The following THBS2 variants were observed in gnomAD, a reference collection of about 807,000 sequenced individuals.
THBS2 encodes the protein thrombospondin 2.
A neutral mutation model predicts 135.2 loss-of-function variants in THBS2; 47 were observed. The observed-to-expected ratio is 0.35, with a 90% CI of 0.28 to 0.44. The LOEUF is 0.44. THBS2 is among the 20% of genes least tolerant of loss of function. The pLI is 1.00. For synonymous variants in THBS2, 639 were observed against 633.8 expected, an observed-to-expected ratio of 1.01 and a Z score of -0.12; for missense variants, 1,288 against 1,603.1, an observed-to-expected ratio of 0.80 and a Z score of 3.36.
Position 169,236,163 on chromosome 6 carries a change from C to T in THBS2, c.1477+1007G>A, listed in dbSNP as rs369918075. Among the ~76,000 whole-genome samples the T allele has an allele frequency of 5.5e-3, 400 of 73,136 alleles. 1 individual carries two copies. Among genetic ancestry groups the T allele is most frequent in the East Asian group, 0.023 (32 of 1,394 alleles). 48.0% of individuals were successfully genotyped at this position (73,136 alleles called of 152,430 possible). On this transcript the variant is annotated intron_variant, in intron 9 of 21. Coordinates refer to ENST00000617924, the MANE Select transcript of THBS2 (RefSeq NM_003247.5). ...CACACTCACTCCCCATCCACACTCA[C>T]TCCCCATCCACACTCATTCCCCATC... is the stretch of plus-strand genomic sequence containing the variant.
At chr6:169,243,392 C>G (rs1347918536) in intron 4 of THBS2, among the ~76,000 whole-genome samples, 3 of 152,230 alleles carry the variant, frequency 2.0e-5, no homozygotes, top group Non-Finnish European at 4.4e-5. Context: ...GCTCACCTCA[C>G]CCCCATGTAG....
intron 7 of THBS2, among the ~76,000 whole-genome samples, chr6:169,238,353 A>G (rs1780179639): frequency 6.6e-6 from 1 of 152,242 alleles, no homozygotes; most frequent in African/African-American, 2.4e-5. Flanking sequence ...GGGGGGAAAG[A>G]GCAACCTGAC....
chr6:169,232,560 C>G, intron 12 of THBS2, 104 bp downstream of exon 12: 2 of 1,508,666 alleles, frequency 1.3e-6, no homozygotes, highest in Non-Finnish European at 1.8e-6. Context: ...ATGCCTCTCC[C>G]GGGCCACGCC....
At chr6:169,227,327 G>A (rs896917730) in intron 15 of THBS2, among the ~76,000 whole-genome samples, 14 of 152,158 alleles carry the variant, frequency 9.2e-5, no homozygotes, top group Non-Finnish European at 1.5e-5. Flanking sequence ...GAGAAGGGAT[G>A]ACCATGCGGT....
In THBS2 at chr6:169,240,489, G is replaced by T. The variant is rs775077218; in HGVS notation, c.995C>A (p.Thr332Lys). ...QDGRFFAENE[T>K]WVVDSCTTCT... ...CGTGGTGCAGCTGTCCACCACCCAC[G>T]TTTCATTTTCCGCAAAGAACCGGCC... The change falls in exon 6 of 22, where the codon ACG becomes AAG. Residue 332 changes from threonine to lysine, a missense_variant. Thr to Lys is a moderately conservative substitution (Grantham distance 78, BLOSUM62 -1). This residue lies in a region of THBS2 where 874 missense variants were observed against 1,156.1 expected (regional missense o/e 0.76). Coordinates refer to ENST00000617924, the MANE Select transcript of THBS2 (RefSeq NM_003247.5). The T allele has an allele frequency of 6.2e-7, 1 of 1,613,842 alleles. No homozygotes were observed.
intron 21 of THBS2, among the ~76,000 whole-genome samples, chr6:169,218,733 T>C (rs1351000809): frequency 2.0e-4 from 24 of 121,248 alleles, no homozygotes; most frequent in Admixed American, 3.4e-4. Flanking sequence ...ATGGATGAGA[T>C]AGGTGGGTGG....
intron 19 of THBS2, 124 bp downstream of exon 19, chr6:169,222,073 C>A (rs1328634914): frequency 8.7e-7 from 1 of 1,144,390 alleles, no homozygotes. Flanking sequence ...ATTAAAATAA[C>A]TGTGCCTGGA....
rs79283382 is a variant in THBS2 at position 169,242,000 on chromosome 6, G to C, written c.695-42C>G. 6.4e-7 allele frequency: 1 copy of C among 1,566,852 alleles called. No homozygotes were observed. The highest frequency in any genetic ancestry group is 8.7e-7 in the Non-Finnish European group (1 of 1,153,146). On this transcript the variant is annotated intron_variant, in intron 4 of 21. Coordinates refer to ENST00000617924, the MANE Select transcript of THBS2 (RefSeq NM_003247.5). The surrounding 1 kb of genome is among the most constrained non-coding windows in gnomAD (Gnocchi z 5.5). Reference sequence around the variant, plus strand: ...AAGGGCCGTGAGCATCACAGAGGACGGGGCCAGCAGCAGGGGCTGGGAACA... The same window carrying C: ...AAGGGCCGTGAGCATCACAGAGGACCGGGCCAGCAGCAGGGGCTGGGAACA...
chr6:169,237,878 G>T (rs571589492), intron 7 of THBS2, 83 bp from the exon 8 acceptor site: 18 of 1,449,810 alleles, frequency 1.2e-5, no homozygotes, highest in Non-Finnish European at 1.5e-5. Flanking sequence ...GGCAGCTGGC[G>T]TGGGGCCACA....
At chr6:169,251,014 A>G (rs1183634495) in intron 1 of THBS2, among the ~76,000 whole-genome samples, 1 of 152,190 alleles carries the variant, frequency 6.6e-6, no homozygotes, top group African/African-American at 2.4e-5. Context: ...TTGAGCTAGC[A>G]TTTGCCGGCA....
intron 4 of THBS2, among the ~76,000 whole-genome samples, 168 bp from the exon 5 acceptor site, chr6:169,242,126 C>T (rs914369229): frequency 1.3e-5 from 2 of 151,968 alleles, no homozygotes; most frequent in Non-Finnish European, 2.9e-5. Context: ...CAGGGAGGAC[C>T]ATCTGCCCTG....
intron 4 of THBS2, among the ~76,000 whole-genome samples, chr6:169,242,623 ACC>A (rs1780359571): frequency 3.4e-5 from 1 of 29,302 alleles, no homozygotes; most frequent in Non-Finnish European, 6.9e-5. Context: ...CACCGCTCCC[ACC>A]TTCCCACCAC....
Position 169,232,157 on chromosome 6 carries a change from G to A in THBS2, c.1974C>T (p.Asn658=). 6.2e-7 allele frequency: 1 copy of A among 1,614,074 alleles called. No individual in the cohort carries two copies. Among genetic ancestry groups the A allele is most frequent in the East Asian group, 2.2e-5 (1 of 44,874 alleles). Residue 658 remains asparagine (N), a synonymous_variant, in exon 13 of 22, where the codon AAC becomes AAT. Coordinates refer to ENST00000617924, the MANE Select transcript of THBS2 (RefSeq NM_003247.5). ...AGATGCACTCCGCGTGCTTGTGGCA[G>A]TTGTGTGTCTTGTCCTTGCATGGGT... is the stretch of plus-strand genomic sequence containing the variant. ...PENPCKDKTH[N]CHKHAECIYL...
rs1013788794 is a variant in THBS2 at position 169,222,546 on chromosome 6, G to C, written c.3002-78C>G. 4.0e-6 allele frequency: 6 copies of C among 1,508,328 alleles called. No individual in the cohort carries two copies. The Admixed American group carries it at 5.4e-5, about 14-fold the overall frequency. The allele number at this position is 1,508,328 out of a possible 1,614,324, so 93.4% of individuals were successfully genotyped here. On this transcript the variant is annotated intron_variant, in intron 18 of 21. Coordinates refer to ENST00000617924, the MANE Select transcript of THBS2 (RefSeq NM_003247.5). ...GTAGTGACTCATGCCTGTAATCCCA[G>C]CACTTTGAGAGGCCGAGGTGGGCAG...
In THBS2 at chr6:169,229,564, G is replaced by A. The variant is rs1279630779; in HGVS notation, c.2259+8C>T. 1 of 1,612,440 alleles carries A rather than the reference G, an allele frequency of 6.2e-7. No homozygotes were observed. The highest frequency in any genetic ancestry group is 1.3e-5 in the African/African-American group (1 of 74,904). On this transcript the variant is annotated splice_region_variant and intron_variant, in intron 14 of 21. Transcript: ENST00000617924. ...CCAGGGCAGGTGCGCGGCACAAGCT[G>A]CTCCTACCTTCTCATCGGTCACACC...
chr6:169,253,600 C>T (rs1324068913), intron 1 of THBS2, 124 bp downstream of exon 1: 2 of 152,234 alleles, frequency 1.3e-5, no homozygotes, highest in Admixed American at 1.3e-4. Flanking sequence ...AGATACACCA[C>T]CCACCTTAAG....
chr6:169,216,509 G>A lies in THBS2; in HGVS notation c.*1313C>T, dbSNP rs1447833826. The A allele has an allele frequency of 4.4e-5, 4 of 90,752 alleles. No homozygotes were observed. The highest frequency in any genetic ancestry group is 1.1e-4 in the African/African-American group (2 of 17,504). The allele number at this position is 90,752 out of a possible 1,614,324, so 5.6% of individuals were successfully genotyped here. ...GGTGTGCCTGGCAAGACTAAATGCT[G>A]ATTCTTTTCAGCGTTTGAATTAAAA... On this transcript the variant is annotated 3_prime_UTR_variant, in exon 22 of 22. Coordinates refer to ENST00000617924, the MANE Select transcript of THBS2 (RefSeq NM_003247.5).
At position 169,246,258 on chromosome 6, in the gene THBS2, T is replaced by A; in HGVS notation, c.633A>T (p.Leu211=). Residue 211 remains leucine (L), a synonymous_variant, in exon 4 of 22, where the codon CTA becomes CTT. Coordinates refer to ENST00000617924, the MANE Select transcript of THBS2 (RefSeq NM_003247.5). ...HFRGLLQNVH[L]VFENSVEDIL... Reference sequence around the variant, plus strand: ...TATCTTCCACAGAGTTTTCAAACACTAGGTGGACGTTCTGAAGCAAACCCT... The same window carrying A: ...TATCTTCCACAGAGTTTTCAAACACAAGGTGGACGTTCTGAAGCAAACCCT... 1 of 1,613,898 alleles carries A rather than the reference T, an allele frequency of 6.2e-7. No homozygotes were observed. The highest frequency in any genetic ancestry group is 8.5e-7 in the Non-Finnish European group (1 of 1,179,996).
chr6:169,217,715 G>T lies in THBS2; in HGVS notation c.*107C>A. ...AAGAACCATCAGAGTTAAGGTCAAG[G>T]GACAGGAGGTGCTGCTAGAGAGAGA... On this transcript the variant is annotated 3_prime_UTR_variant, in exon 22 of 22. Transcript: ENST00000617924. 7.7e-7 allele frequency: 1 copy of T among 1,302,582 alleles called. No individual in the cohort carries two copies. The highest frequency in any genetic ancestry group is 1.1e-6 in the Non-Finnish European group (1 of 932,396). 80.7% of individuals were successfully genotyped at this position (1,302,582 alleles called of 1,614,324 possible). A position where few individuals can be genotyped will look rare whatever the true frequency, so the allele number is the denominator to read the frequency against.
Sources: gnomAD v4.1 joint callset for allele counts (sites outside exome capture counted in the v4.1 genomes callset) on GRCh38, gnomAD v4.1.1 for gene constraint, gnomAD v4.1.1 regional missense constraint, Gnocchi (gnomAD v3.1) non-coding constraint, MANE v1.5 for transcripts, NCBI Gene and HGNC (gene_info 2026-07-23, HGNC 2026-07-21) for gene names.